BBS12: variants seen among roughly 807,000 people sequenced by gnomAD.
BBS12 encodes the protein chaperonin-containing T-complex member BBS12.
A neutral mutation model predicts 5.6 loss-of-function variants in BBS12; 5 were observed. That is an observed-to-expected ratio of 0.89 (90% CI 0.46 to 1.86). The LOEUF (loss-of-function observed/expected upper bound fraction) is 1.86. BBS12 is among the 40% of genes most tolerant of loss of function. The pLI is 0.01. For synonymous variants in BBS12, 308 were observed against 306.8 expected, an observed-to-expected ratio of 1.00 and a Z score of -0.04; for missense variants, 748 against 830.4, an observed-to-expected ratio of 0.90 and a Z score of 1.22.
chr4:122,708,134 C>A, the BBS12 span, among the ~76,000 whole-genome samples: 4 of 151,952 alleles, frequency 2.6e-5, no homozygotes, highest in African/African-American at 9.7e-5. Context: ...ACATCAGCCT[C>A]CCGAGTAGCT....
the BBS12 span, among the ~76,000 whole-genome samples, chr4:122,703,217 G>A: frequency 6.6e-6 from 1 of 152,052 alleles, no homozygotes; most frequent in African/African-American, 2.4e-5. Flanking sequence ...CAGAATTGCT[G>A]TATTGAAAGG....
the BBS12 span, among the ~76,000 whole-genome samples, chr4:122,709,521 T>G: frequency 2.0e-5 from 3 of 152,210 alleles, no homozygotes; most frequent in African/African-American, 7.2e-5. Context: ...ATGACATGGA[T>G]TCTAATAGGT....
the BBS12 span, among the ~76,000 whole-genome samples, chr4:122,702,981 C>A: frequency 6.6e-6 from 1 of 152,196 alleles, no homozygotes. Context: ...AAATTTTGTT[C>A]CACAATTGTT....
At chr4:122,720,235 G>C in the BBS12 span, among the ~76,000 whole-genome samples, 1 of 152,178 alleles carries the variant, frequency 6.6e-6, no homozygotes. Flanking sequence ...CAGATCACTT[G>C]AGGCCAGGAG....
chr4:122,742,788 T>A lies in BBS12; in HGVS notation c.896T>A (p.Val299Glu), dbSNP rs1800903484. The A allele has an allele frequency of 6.2e-7, 1 of 1,614,232 alleles. No homozygotes were observed. The highest frequency in any genetic ancestry group is 1.3e-5 in the African/African-American group (1 of 75,068). The change falls in exon 2 of 2, where the codon GTG becomes GAG. Residue 299 changes from valine (V) to glutamate (E), a missense_variant. Physicochemically the swap from Val to Glu is moderately radical, Grantham distance 121 (BLOSUM62 -2). Coordinates refer to ENST00000314218, the MANE Select transcript of BBS12 (RefSeq NM_152618.3). The stretch of plus-strand genomic sequence containing the variant: ...CAGCTGCAATATCAGAATGCTTGTG[T>A]GCAACAAGGCAACTGTACAAAACCA... ...AVQLQYQNAC[V>E]QQGNCTKPFM...
the BBS12 span, among the ~76,000 whole-genome samples, chr4:122,718,586 C>A: frequency 1.3e-5 from 2 of 151,934 alleles, no homozygotes; most frequent in African/African-American, 4.8e-5. Flanking sequence ...TTTCCAAATT[C>A]ATAAAATAGG....
the BBS12 span, among the ~76,000 whole-genome samples, chr4:122,701,586 G>T: frequency 6.6e-6 from 1 of 152,198 alleles, no homozygotes; most frequent in African/African-American, 2.4e-5. Flanking sequence ...TTCATTAATA[G>T]TGATGAATAC....
chr4:122,708,474 G>A, the BBS12 span, among the ~76,000 whole-genome samples: 1 of 152,074 alleles, frequency 6.6e-6, no homozygotes, highest in Non-Finnish European at 1.5e-5. Context: ...CTTTGGAGGA[G>A]ATGGGGATAA....
upstream of BBS12, among the ~76,000 whole-genome samples, chr4:122,727,934 CAT>C (rs780872414): frequency 2.1e-4 from 32 of 151,990 alleles, no homozygotes; most frequent in Admixed American, 3.9e-4. Flanking sequence ...AGAGTCTAAA[CAT>C]GTGAAAAAAC....
the BBS12 span, among the ~76,000 whole-genome samples, chr4:122,716,591 A>ATG: frequency 7.1e-6 from 1 of 140,806 alleles, no homozygotes; most frequent in Non-Finnish European, 1.5e-5. Flanking sequence ...ATATACACAT[A>ATG]TGTATGTATA....
chr4:122,740,752 G>T (rs951128998), intron 1 of BBS12, among the ~76,000 whole-genome samples: 19 of 152,146 alleles, frequency 1.2e-4, no homozygotes, highest in African/African-American at 4.6e-4. Context: ...GTCCTCTACG[G>T]TGTTATCAGA....
In BBS12 at chr4:122,743,489, GA is replaced by G; in HGVS notation, c.1601del (p.Lys534ArgfsTer25). The G allele has an allele frequency of 6.2e-7, 1 of 1,614,204 alleles. No homozygotes were observed. Among genetic ancestry groups the G allele is most frequent in the Non-Finnish European group, 8.5e-7 (1 of 1,180,032 alleles). On this transcript the variant is annotated frameshift_variant, in exon 2 of 2. Coordinates refer to ENST00000314218, the MANE Select transcript of BBS12 (RefSeq NM_152618.3). LOFTEE classifies it low-confidence loss of function (END_TRUNC). ...AYRLYYALKEEKVFLGGGAVE... is the reference protein window; with the variant it reads ...AYRLYYALKEXKVFLGGGAVE... The stretch of plus-strand genomic sequence containing the variant: ...TCGTTTGTATTATGCTCTAAAAGAG[GA>G]AAAGGTCTTCCTTGGAGGTGGTGCA...
At chr4:122,703,805 C>A in the BBS12 span, among the ~76,000 whole-genome samples, 1 of 152,064 alleles carries the variant, frequency 6.6e-6, no homozygotes, top group Non-Finnish European at 1.5e-5. Context: ...AATCTTGAGT[C>A]TTTTATTTTT....
At chr4:122,704,127 C>T in the BBS12 span, among the ~76,000 whole-genome samples, 814 of 152,286 alleles carry the variant, frequency 5.3e-3, 14 homozygotes, top group African/African-American at 0.019. Context: ...TGGGATTACA[C>T]GTGTGAGTCA....
At chr4:122,703,393 C>T in the BBS12 span, among the ~76,000 whole-genome samples, 1 of 152,138 alleles carries the variant, frequency 6.6e-6, no homozygotes, top group Non-Finnish European at 1.5e-5. Flanking sequence ...TAAGACTTTC[C>T]AAGCCAAGGG....
In BBS12 at chr4:122,741,184, T is replaced by TTG. The variant is rs1560705852; in HGVS notation, c.-10-698_-10-697insGT. ...TACTGTTCTCCACTACATGTTTTTT[T>TTG]TTGTTGTTGTTGTTTTTTCTGAGAC... On this transcript the variant is annotated intron_variant, in intron 1 of 1. Coordinates refer to ENST00000314218, the MANE Select transcript of BBS12 (RefSeq NM_152618.3). 4.6e-5 allele frequency among the ~76,000 whole-genome samples: 7 copies of TTG among 152,204 alleles called. No individual in the cohort carries two copies. In the East Asian group the frequency reaches 7.7e-4, roughly 17 times the overall value.
intron 1 of BBS12, among the ~76,000 whole-genome samples, chr4:122,734,301 T>C (rs1800752827): frequency 6.6e-6 from 1 of 152,116 alleles, no homozygotes; most frequent in Non-Finnish European, 1.5e-5. Context: ...AGTCCTGCTC[T>C]GTCGCCCAGG....
At chr4:122,724,726 T>TA in the BBS12 span, among the ~76,000 whole-genome samples, 1 of 152,200 alleles carries the variant, frequency 6.6e-6, no homozygotes, top group Non-Finnish European at 1.5e-5. Flanking sequence ...TGTTCCAGAA[T>TA]AGCTCAAGAG....
the BBS12 span, among the ~76,000 whole-genome samples, chr4:122,719,819 G>A: frequency 3.3e-4 from 51 of 152,378 alleles, no homozygotes; most frequent in African/African-American, 8.9e-4. Context: ...GGAAGGGTAT[G>A]TCAGTAAAGA....
Sources: gnomAD v4.1 joint callset for allele counts (sites outside exome capture counted in the v4.1 genomes callset) on GRCh38, gnomAD v4.1.1 for gene constraint, MANE v1.5 for transcripts, NCBI Gene and HGNC (gene_info 2026-07-23, HGNC 2026-07-21) for gene names.